The following CSMD1 variants were observed in gnomAD, a reference collection of about 807,000 sequenced individuals.
CSMD1 encodes the protein CUB and sushi domain-containing protein 1.
A neutral mutation model predicts 417.5 loss-of-function variants in CSMD1; 213 were observed. The ratio of observed to expected loss-of-function variants is 0.51; its 90% CI spans 0.46 to 0.57. The LOEUF (loss-of-function observed/expected upper bound fraction) is 0.57, where lower values mean the gene tolerates loss of function less well. Among genes scored for constraint, CSMD1 ranks in the 20% least tolerant of loss-of-function variants. CSMD1 has a pLI of 0.00. For missense variants in CSMD1, 6,923 were observed against 4,529.7 expected, an observed-to-expected ratio of 1.53 and a Z score of -15.17; for synonymous variants, 2,862 against 1,736.8, an observed-to-expected ratio of 1.65 and a Z score of -16.11.
rs202157459 is a variant in CSMD1, at chr8:3,189,966, G to C, written c.5344C>G (p.Gln1782Glu). 6.3e-6 allele frequency: 10 copies of C among 1,599,002 alleles called. No homozygotes were observed. Among genetic ancestry groups the C allele is most frequent in the Non-Finnish European group, 6.8e-6 (8 of 1,173,206 alleles). The change falls in exon 34 of 70, where the codon CAG becomes GAG. Residue 1782 changes from glutamine to glutamate, a missense_variant. Gln to Glu is a conservative substitution (Grantham distance 29). Coordinates refer to ENST00000635120, the MANE Select transcript of CSMD1 (RefSeq NM_033225.6). The stretch of plus-strand genomic sequence containing the variant: ...TGTGCCAAGGCGTTGGGCACGGACT[G>C]GCAGTGGAGCGCCGTGGAACCCTGA... ...LLQGSTALHCQSVPNALAQWN... is the reference protein window; with the variant it reads ...LLQGSTALHCESVPNALAQWN...
At position 3,320,314 on chromosome 8, in the gene CSMD1, T is replaced by A. The variant is rs538958061; in HGVS notation, c.3632-11811A>T. On this transcript the variant is annotated intron_variant, in intron 23 of 69. Transcript: ENST00000635120. ...TCCCGGACTCAGCCCTCACACACCCTGCCCCTGCCTCGTGCCTCCTTCACA... is the reference window on the plus strand; with the variant it reads ...TCCCGGACTCAGCCCTCACACACCCAGCCCCTGCCTCGTGCCTCCTTCACA... 5.3e-5 allele frequency among the ~76,000 whole-genome samples: 8 copies of A among 152,268 alleles called. No homozygotes were observed. In the East Asian group the frequency reaches 1.5e-3, roughly 29 times the overall value.
At chr8:3,558,411 G>GTGTCCACTTCTCCAATGATGAACA (rs1799283074) in intron 10 of CSMD1, among the ~76,000 whole-genome samples, 4 of 139,370 alleles carry the variant, frequency 2.9e-5, no homozygotes, top group Admixed American at 2.1e-4. Flanking sequence ...AATGATGAAC[G>GTGTCCACTTCTCCAATGATGAACA]GTGCCTCAAT....
At chr8:4,795,820 G>C (rs1256980058) in intron 1 of CSMD1, among the ~76,000 whole-genome samples, 1 of 152,078 alleles carries the variant, frequency 6.6e-6, no homozygotes, top group Non-Finnish European at 1.5e-5. Context: ...GTACTGTACT[G>C]AGGCAGCCCT....
At chr8:3,905,565 T>C (rs1563197320) in intron 5 of CSMD1, among the ~76,000 whole-genome samples, 1 of 152,328 alleles carries the variant, frequency 6.6e-6, no homozygotes, top group Non-Finnish European at 1.5e-5. Context: ...GGAGGGCTTG[T>C]GCAAACACAG....
chr8:3,875,767 A>G (rs922597066), intron 5 of CSMD1, among the ~76,000 whole-genome samples: 1 of 152,014 alleles, frequency 6.6e-6, no homozygotes. Flanking sequence ...GCCAGTGAAG[A>G]CCTCCTCAAA....
At chr8:3,197,638 G>C (rs1355205513) in intron 33 of CSMD1, among the ~76,000 whole-genome samples, 12 of 151,752 alleles carry the variant, frequency 7.9e-5, no homozygotes, top group Non-Finnish European at 1.8e-4. Flanking sequence ...GCTAATTTTT[G>C]TATTTTTAGT....
chr8:4,046,273 T>G (rs1252626472), intron 3 of CSMD1, among the ~76,000 whole-genome samples: 1 of 152,184 alleles, frequency 6.6e-6, no homozygotes, highest in African/African-American at 2.4e-5. Flanking sequence ...ATTGAATTCT[T>G]GGCTGTTTCT....
At chr8:3,005,819 T>G (rs962448809) in intron 52 of CSMD1, among the ~76,000 whole-genome samples, 1 of 152,134 alleles carries the variant, frequency 6.6e-6, no homozygotes, top group African/African-American at 2.4e-5. Flanking sequence ...AATATCATAC[T>G]GAATGGGCAA....
At chr8:4,862,357 G>T (rs990946194) in intron 1 of CSMD1, among the ~76,000 whole-genome samples, 1 of 152,092 alleles carries the variant, frequency 6.6e-6, no homozygotes. Context: ...CACAGATGGA[G>T]AATTAACTTG....
chr8:4,588,826 C>A (rs570878343), intron 2 of CSMD1, among the ~76,000 whole-genome samples: 1 of 141,262 alleles, frequency 7.1e-6, no homozygotes, highest in South Asian at 2.3e-4. Flanking sequence ...CTACTCTGTG[C>A]TTGATTCTGT....
chr8:3,384,615 T>A (rs1346174013), intron 18 of CSMD1, among the ~76,000 whole-genome samples: 1 of 145,556 alleles, frequency 6.9e-6, no homozygotes, highest in Non-Finnish European at 1.5e-5. Context: ...AATTTTTAAA[T>A]ATTTGCAAAT....
At chr8:4,657,357 G>A (rs1363376781) in intron 1 of CSMD1, among the ~76,000 whole-genome samples, 1 of 152,084 alleles carries the variant, frequency 6.6e-6, no homozygotes, top group Non-Finnish European at 1.5e-5. Context: ...TTTCATTTTT[G>A]TTTTGTATTT....
chr8:4,781,165 T>C (rs1456499745), intron 1 of CSMD1, among the ~76,000 whole-genome samples: 1 of 152,230 alleles, frequency 6.6e-6, no homozygotes, highest in Non-Finnish European at 1.5e-5. Flanking sequence ...CTGTGCTTTG[T>C]GCCCAACCTA....
At chr8:3,310,208 G>A (rs906866201) in intron 23 of CSMD1, among the ~76,000 whole-genome samples, 5 of 152,114 alleles carry the variant, frequency 3.3e-5, no homozygotes, top group African/African-American at 1.2e-4. Flanking sequence ...AAGAAGACAG[G>A]GCAGAAAGGA....
chr8:4,216,972 G>GAGAA (rs1800716452), intron 3 of CSMD1, among the ~76,000 whole-genome samples: 1 of 152,142 alleles, frequency 6.6e-6, no homozygotes, highest in Non-Finnish European at 1.5e-5. Flanking sequence ...TCCTAGGATA[G>GAGAA]GTCCCCACGG....
intron 3 of CSMD1, among the ~76,000 whole-genome samples, chr8:4,175,215 A>G (rs1372105496): frequency 6.6e-6 from 1 of 152,138 alleles, no homozygotes; most frequent in East Asian, 1.9e-4. Context: ...AGCTCAAGTC[A>G]CTAAGGTGAT....
At chr8:3,300,596 G>C (rs1804316066) in intron 25 of CSMD1, among the ~76,000 whole-genome samples, 1 of 151,912 alleles carries the variant, frequency 6.6e-6, no homozygotes, top group Non-Finnish European at 1.5e-5. Flanking sequence ...TTATTCTAAG[G>C]AATTATATAA....
At chr8:4,093,788 C>G (rs547696089) in intron 3 of CSMD1, among the ~76,000 whole-genome samples, 1 of 152,100 alleles carries the variant, frequency 6.6e-6, no homozygotes, top group African/African-American at 2.4e-5. Context: ...TGGTGAAATC[C>G]CATATCTACT....
intron 10 of CSMD1, among the ~76,000 whole-genome samples, chr8:3,503,755 AGCC>A (rs1227311815): frequency 6.6e-6 from 1 of 152,158 alleles, no homozygotes; most frequent in Non-Finnish European, 1.5e-5. Flanking sequence ...TCCCTGTCTC[AGCC>A]CACCTGTGGT....
Sources: gnomAD v4.1 joint callset for allele counts (sites outside exome capture counted in the v4.1 genomes callset) on GRCh38, gnomAD v4.1.1 for gene constraint, MANE v1.5 for transcripts, NCBI Gene and HGNC (gene_info 2026-07-23, HGNC 2026-07-21) for gene names.